Variants in NUP133 observed in about 807,000 individuals in gnomAD.
NUP133 encodes nuclear pore complex protein Nup133.
Under a neutral mutation model 146.2 loss-of-function variants are expected in NUP133, and 66 were observed. The observed-to-expected ratio is 0.45, with a 90% CI of 0.37 to 0.55. The LOEUF (loss-of-function observed/expected upper bound fraction) is 0.55. Among genes scored for constraint, NUP133 ranks in the 20% least tolerant of loss-of-function variants. The pLI is 0.00. For synonymous variants in NUP133, 521 were observed against 498.8 expected, an observed-to-expected ratio of 1.04 and a Z score of -0.59; for missense variants, 1,277 against 1,374.8, an observed-to-expected ratio of 0.93 and a Z score of 1.12.
intron 8 of NUP133, among the ~76,000 whole-genome samples, chr1:229,492,107 A>ATTTTTT (rs200318942): frequency 7.1e-6 from 1 of 140,328 alleles, no homozygotes; most frequent in East Asian, 2.0e-4. Flanking sequence ...TACTAGCAAC[A>ATTTTTT]TTTTTTTTTT....
chr1:229,492,693 C>G (rs544589635), intron 8 of NUP133, among the ~76,000 whole-genome samples: 1 of 151,986 alleles, frequency 6.6e-6, no homozygotes, highest in Non-Finnish European at 1.5e-5. Flanking sequence ...ATGTTCTCAC[C>G]TATAAGTGGG....
chr1:229,478,791 A>G (rs1661139547), intron 12 of NUP133, among the ~76,000 whole-genome samples: 4 of 152,182 alleles, frequency 2.6e-5, no homozygotes, highest in Admixed American at 2.6e-4. Flanking sequence ...GTTTGAACCT[A>G]ATACCAAGGA....
At chr1:229,448,332 G>A (rs544597742) in intron 24 of NUP133, among the ~76,000 whole-genome samples, 18 of 152,264 alleles carry the variant, frequency 1.2e-4, no homozygotes, top group African/African-American at 4.3e-4. Flanking sequence ...GGAGGCTGAG[G>A]CAGGAGAATT....
chr1:229,478,157 A>T (rs959190433), intron 12 of NUP133, among the ~76,000 whole-genome samples: 1 of 152,198 alleles, frequency 6.6e-6, no homozygotes, highest in African/African-American at 2.4e-5. Flanking sequence ...ATAAAAAAAA[A>T]ATTTTAAGTT....
In NUP133 at chr1:229,506,139, A is replaced by T; in HGVS notation, c.202T>A (p.Phe68Ile). ...LSSRGTPTRM[F>I]PHHSITESVN... The stretch of plus-strand genomic sequence containing the variant: ...GACTCAGTTATGGAGTGGTGTGGGA[A>T]CATTCGTGTTGGTGTTCCCCTAAAG... The change falls in exon 2 of 26, where the codon TTC becomes ATC. Residue 68 changes from phenylalanine (F) to isoleucine (I), a missense_variant. Around this residue, in one of 3 missense-constraint regions of NUP133, gnomAD observed 319 missense variants for 306.9 expected, o/e 1.04. Transcript: ENST00000261396. The T allele has an allele frequency of 6.2e-7, 1 of 1,609,720 alleles. No individual in the cohort carries two copies. Among genetic ancestry groups the T allele is most frequent in the Non-Finnish European group, 8.5e-7 (1 of 1,176,580 alleles).
In NUP133 at chr1:229,475,865, T is replaced by C. The variant is rs547708096; in HGVS notation, c.1757-133A>G. On this transcript the variant is annotated intron_variant, in intron 13 of 25. Transcript: ENST00000261396. ...TGGCTCACACCTGTAATCCGAGCACTTTGGGAGGTCGAGGTGGGCAGATCA... is the reference window on the plus strand; with the variant it reads ...TGGCTCACACCTGTAATCCGAGCACCTTGGGAGGTCGAGGTGGGCAGATCA... 117 of 664,086 alleles carry C rather than the reference T, an allele frequency of 1.8e-4. No individual in the cohort carries two copies. The African/African-American group carries it at 1.9e-3, about 11-fold the overall frequency. 41.1% of individuals were successfully genotyped at this position (664,086 alleles called of 1,614,324 possible).
At position 229,464,290 on chromosome 1, in the gene NUP133, T is replaced by C. The variant is rs568483748; in HGVS notation, c.2551+334A>G. ...TGTCCTTTGCCAAACAGCCATAATA[T>C]CTTATCTGTACCCCTCAAGCAGCCC... On this transcript the variant is annotated intron_variant, in intron 18 of 25. Coordinates refer to ENST00000261396, the MANE Select transcript of NUP133 (RefSeq NM_018230.3). 6.6e-5 allele frequency among the ~76,000 whole-genome samples: 10 copies of C among 152,272 alleles called. No individual in the cohort carries two copies. In the East Asian group the frequency reaches 1.5e-3, roughly 23 times the overall value.
chr1:229,468,747 A>C (rs1438431366), intron 15 of NUP133, among the ~76,000 whole-genome samples: 1 of 152,234 alleles, frequency 6.6e-6, no homozygotes. Flanking sequence ...AAATTGTCTT[A>C]TCATATAAAA....
At chr1:229,489,802 G>GGA (rs1661462524) in intron 9 of NUP133, among the ~76,000 whole-genome samples, 153 bp downstream of exon 9, 1 of 152,206 alleles carries the variant, frequency 6.6e-6, no homozygotes, top group Non-Finnish European at 1.5e-5. Flanking sequence ...ACCTGGAAGG[G>GGA]GAGACAGAGG....
chr1:229,446,444 A>G (rs1660305105), intron 24 of NUP133, among the ~76,000 whole-genome samples: 1 of 152,044 alleles, frequency 6.6e-6, no homozygotes. Context: ...CAAAAAAAAG[A>G]GAAAGTAGTA....
In NUP133 at chr1:229,449,030, G is replaced by A. The variant is rs186421250; in HGVS notation, c.3245+96C>T. 192 of 923,480 alleles carry A rather than the reference G, an allele frequency of 2.1e-4. 1 individual carries two copies. The African/African-American group carries it at 2.8e-3, about 13-fold the overall frequency. 57.2% of individuals were successfully genotyped at this position (923,480 alleles called of 1,614,324 possible). On this transcript the variant is annotated intron_variant, in intron 24 of 25. Coordinates refer to ENST00000261396, the MANE Select transcript of NUP133 (RefSeq NM_018230.3). ...GGAGGTGGGAAATCCCAACACGTCT[G>A]GTCACAGAAGTCTTCTGTTATTGAC...
At chr1:229,456,973 G>A (rs973532363) in intron 21 of NUP133, among the ~76,000 whole-genome samples, 7 of 151,534 alleles carry the variant, frequency 4.6e-5, no homozygotes, top group African/African-American at 1.7e-4. Context: ...GACTACAGGC[G>A]CACACCACCA....
At chr1:229,507,246 A>G (rs896313105) in intron 1 of NUP133, among the ~76,000 whole-genome samples, 3 of 152,170 alleles carry the variant, frequency 2.0e-5, no homozygotes, top group African/African-American at 7.2e-5. Flanking sequence ...GATACAGTGT[A>G]TTCTTTCAAA....
At position 229,484,116 on chromosome 1, in the gene NUP133, A is replaced by G. The variant is rs775206914; in HGVS notation, c.1530T>C (p.Asn510=). 6.2e-7 allele frequency: 1 copy of G among 1,613,568 alleles called. No individual in the cohort carries two copies. The highest frequency in any genetic ancestry group is 8.5e-7 in the Non-Finnish European group (1 of 1,179,640). ...ESMIFETTTK[N]ETIAQEDKIK... is the part of the protein sequence containing the mutation. ...TTTTATCTTCCTGGGCTATAGTTTC[A>G]TTCTTTGTAGTGGTCTCAAAAATCA... Residue 510 remains asparagine, a synonymous_variant, in exon 12 of 26, where the codon AAT becomes AAC. Coordinates refer to ENST00000261396, the MANE Select transcript of NUP133 (RefSeq NM_018230.3).
chr1:229,481,101 A>G (rs190092131), intron 12 of NUP133, among the ~76,000 whole-genome samples: 5 of 152,108 alleles, frequency 3.3e-5, no homozygotes, highest in African/African-American at 1.2e-4. Flanking sequence ...TCCCCCAGAA[A>G]TCATCCCTTA....
chr1:229,452,412 G>T, intron 22 of NUP133, 113 bp downstream of exon 22: 1 of 703,798 alleles, frequency 1.4e-6, no homozygotes, highest in Non-Finnish European at 2.2e-6. Context: ...GAGTTTTCTG[G>T]AAGGTAGGCA....
intron 12 of NUP133, among the ~76,000 whole-genome samples, chr1:229,480,408 G>T (rs1289098820): frequency 3.9e-5 from 6 of 152,062 alleles, no homozygotes; most frequent in Non-Finnish European, 7.4e-5. Context: ...GGTGACTATG[G>T]CAAGATTTAA....
chr1:229,495,271 G>C (rs1351591554), intron 8 of NUP133, among the ~76,000 whole-genome samples: 1 of 152,074 alleles, frequency 6.6e-6, no homozygotes, highest in South Asian at 2.1e-4. Flanking sequence ...CATGCTTGCA[G>C]TACCAGCTAC....
intron 8 of NUP133, among the ~76,000 whole-genome samples, chr1:229,492,629 T>C (rs1661555798): frequency 1.3e-5 from 2 of 152,092 alleles, no homozygotes; most frequent in South Asian, 4.1e-4. Flanking sequence ...TTCAAGAATA[T>C]TGGTCCACGT....
Sources: allele counts gnomAD v4.1 joint callset (sites outside exome capture counted in the v4.1 genomes callset), GRCh38; gene constraint gnomAD v4.1.1; regional missense constraint gnomAD v4.1.1; transcripts MANE v1.5; gene names NCBI Gene and HGNC (gene_info 2026-07-23, HGNC 2026-07-21).